The following MEGF10 variants were observed in gnomAD, a reference collection of about 807,000 sequenced individuals.
The protein encoded by MEGF10 is multiple EGF like domains 10.
A neutral mutation model predicts 147.5 loss-of-function variants in MEGF10; 86 were observed. The ratio of observed to expected loss-of-function variants is 0.58; its 90% CI spans 0.49 to 0.70. The LOEUF (loss-of-function observed/expected upper bound fraction) is 0.70. Ranked by LOEUF, MEGF10 falls within the 30% of genes least tolerant of loss-of-function variation. The probability of loss-of-function intolerance (pLI) is 0.00; values close to 1 mark genes in which losing one functional copy is unlikely to be tolerated. For missense variants in MEGF10, 1,329 were observed against 1,487.3 expected, an observed-to-expected ratio of 0.89 and a Z score of 1.75; for synonymous variants, 478 against 525.5, an observed-to-expected ratio of 0.91 and a Z score of 1.24.
At chr5:127,390,037 A>G (rs757900257) in intron 5 of MEGF10, among the ~76,000 whole-genome samples, 10 of 152,232 alleles carry the variant, frequency 6.6e-5, no homozygotes, top group Non-Finnish European at 7.3e-5. Context: ...AAAAGGATAC[A>G]TATTTACTGT....
chr5:127,374,231 G>A (rs1192751518), intron 5 of MEGF10, among the ~76,000 whole-genome samples: 1 of 152,210 alleles, frequency 6.6e-6, no homozygotes, highest in Admixed American at 6.5e-5. Context: ...TGGTGCTTTA[G>A]GAGCCAAGAG....
At chr5:127,336,211 C>A (rs1203890805) in intron 2 of MEGF10, among the ~76,000 whole-genome samples, 7 of 151,352 alleles carry the variant, frequency 4.6e-5, no homozygotes, top group Non-Finnish European at 8.8e-5. Flanking sequence ...GTTTGAGTGT[C>A]AAAATAATTT....
intron 18 of MEGF10, among the ~76,000 whole-genome samples, chr5:127,442,027 A>G (rs1352513832): frequency 6.6e-6 from 1 of 152,232 alleles, no homozygotes; most frequent in East Asian, 1.9e-4. Context: ...ACAGTTGCAT[A>G]CATAACTCTA....
At chr5:127,370,084 C>T in intron 5 of MEGF10, 82 bp downstream of exon 5, 1 of 1,014,158 alleles carries the variant, frequency 9.9e-7, no homozygotes, top group African/African-American at 1.6e-5. Context: ...CTGAGCCATG[C>T]TTTCCCTCTT....
Position 127,410,425 on chromosome 5 carries a change from T to C in MEGF10, c.954T>C (p.Val318=), listed in dbSNP as rs1580833127. The C allele has an allele frequency of 3.7e-6, 6 of 1,614,256 alleles. No individual in the cohort carries two copies. The highest frequency in any genetic ancestry group is 5.1e-6 in the Non-Finnish European group (6 of 1,180,048). ...AGTGTCCTGTTGGGACCTATGGCGTTCTCTGTGCTGAGACCTGCCAGTGTG... is the reference window on the plus strand; with the variant it reads ...AGTGTCCTGTTGGGACCTATGGCGTCCTCTGTGCTGAGACCTGCCAGTGTG... ...QDECPVGTYG[V]LCAETCQCVN... Residue 318 remains valine (V), a synonymous_variant, in exon 9 of 25, where the codon GTT becomes GTC. Transcript: ENST00000503335.
At chr5:127,378,443 A>G (rs979181538) in intron 5 of MEGF10, among the ~76,000 whole-genome samples, 5 of 151,886 alleles carry the variant, frequency 3.3e-5, no homozygotes, top group Non-Finnish European at 7.4e-5. Context: ...CACAGGCCAC[A>G]CCCTTCTTTA....
At chr5:127,229,838 C>A in the MEGF10 span, 1 of 152,116 alleles carries the variant, frequency 6.6e-6, no homozygotes, top group Admixed American at 6.5e-5. Context: ...CTCTGGGGGC[C>A]GAAGCAGGGA....
intron 1 of MEGF10, among the ~76,000 whole-genome samples, chr5:127,327,426 A>T (rs1761081383): frequency 6.6e-6 from 1 of 152,188 alleles, no homozygotes; most frequent in African/African-American, 2.4e-5. Flanking sequence ...AATGAAGCAA[A>T]TCACCACTGC....
At chr5:127,333,859 A>C (rs1229768900) in intron 2 of MEGF10, among the ~76,000 whole-genome samples, 1 of 152,212 alleles carries the variant, frequency 6.6e-6, no homozygotes, top group Non-Finnish European at 1.5e-5. Flanking sequence ...ATAGAACCCA[A>C]CAACTGTGCA....
intron 1 of MEGF10, among the ~76,000 whole-genome samples, chr5:127,315,376 T>C (rs246943): frequency 0.64 from 97,700 of 152,040 alleles, 31,964 homozygotes; most frequent in Middle Eastern, 0.7. Flanking sequence ...CAAACACTTA[T>C]GTACATTTGG....
At chr5:127,435,303 CTAGGG>C in intron 15 of MEGF10, 53 bp from the exon 16 acceptor site, 10 of 1,600,928 alleles carry the variant, frequency 6.2e-6, no homozygotes, top group Non-Finnish European at 8.5e-6. Context: ...TGCTAAGATT[CTAGGG>C]TTCTGCGAGA....
chr5:127,419,628 T>TG (rs1219273453), intron 11 of MEGF10, among the ~76,000 whole-genome samples: 8 of 152,206 alleles, frequency 5.3e-5, no homozygotes, highest in Admixed American at 3.9e-4. Context: ...TATACACAGT[T>TG]GCTGGTTAAT....
chr5:127,429,162 T>C (rs745485795), intron 13 of MEGF10, among the ~76,000 whole-genome samples: 2 of 152,204 alleles, frequency 1.3e-5, no homozygotes, highest in Non-Finnish European at 2.9e-5. Flanking sequence ...AGAAGTTATT[T>C]CCTGAACTAT....
chr5:127,451,373 G>A (rs569412555), intron 22 of MEGF10, among the ~76,000 whole-genome samples: 60 of 152,164 alleles, frequency 3.9e-4, no homozygotes, highest in Admixed American at 9.2e-4. Context: ...TCGTTATCAC[G>A]CTCGCTGTAC....
intron 4 of MEGF10, among the ~76,000 whole-genome samples, chr5:127,362,794 A>G (rs938376612): frequency 3.3e-5 from 5 of 152,138 alleles, no homozygotes; most frequent in Admixed American, 2.6e-4. Context: ...GGTTAATATG[A>G]TTATTGATGT....
At chr5:127,349,195 T>G (rs1329720952) in intron 4 of MEGF10, among the ~76,000 whole-genome samples, 2 of 152,168 alleles carry the variant, frequency 1.3e-5, no homozygotes, top group Non-Finnish European at 2.9e-5. Flanking sequence ...AGATTTTGAT[T>G]CTCTCTCACA....
intron 1 of MEGF10, among the ~76,000 whole-genome samples, chr5:127,312,394 A>C (rs1229070110): frequency 6.6e-6 from 1 of 152,200 alleles, no homozygotes; most frequent in Non-Finnish European, 1.5e-5. Context: ...CATACACTCC[A>C]GTCAATCACA....
At chr5:127,266,009 G>C in the MEGF10 span, among the ~76,000 whole-genome samples, 18 of 152,266 alleles carry the variant, frequency 1.2e-4, no homozygotes, top group East Asian at 3.5e-3. Context: ...CCTATGTCCT[G>C]AATGGCATTG....
intron 23 of MEGF10, among the ~76,000 whole-genome samples, chr5:127,455,019 C>T (rs1014624997): frequency 9.2e-5 from 14 of 152,162 alleles, no homozygotes; most frequent in African/African-American, 3.1e-4. Flanking sequence ...TAGGAGTCCT[C>T]CCAGCACAAA....
Sources: allele counts gnomAD v4.1 joint callset (sites outside exome capture counted in the v4.1 genomes callset), GRCh38; gene constraint gnomAD v4.1.1; transcripts MANE v1.5; gene names NCBI Gene and HGNC (gene_info 2026-07-23, HGNC 2026-07-21).